Variants in MOV10L1 observed in about 807,000 individuals in gnomAD.
MOV10L1 encodes the protein Mov10 like RNA helicase 1.
MOV10L1 carries 110 observed loss-of-function variants against 143.8 expected under a neutral mutation model. That is an observed-to-expected ratio of 0.76 (90% CI 0.66 to 0.90). MOV10L1 has a LOEUF of 0.90. MOV10L1 is among the 40% of genes least tolerant of loss of function. The probability of loss-of-function intolerance (pLI) is 0.00; values close to 1 mark genes in which losing one functional copy is unlikely to be tolerated. For missense variants in MOV10L1, 1,406 were observed against 1,526.8 expected (o/e 0.92, Z 1.32); for synonymous variants, 593 against 581.1 (o/e 1.02, Z -0.29).
intron 15 of MOV10L1, among the ~76,000 whole-genome samples, chr22:50,137,380 G>A (rs1016714167): frequency 1.3e-5 from 2 of 152,102 alleles, no homozygotes; most frequent in Non-Finnish European, 2.9e-5. Flanking sequence ...AAAATATATT[G>A]GACAGAATTA....
chr22:50,114,255 T>C, intron 6 of MOV10L1, 126 bp from the exon 7 acceptor site: 1 of 1,192,724 alleles, frequency 8.4e-7, no homozygotes, highest in Non-Finnish European at 1.2e-6. Flanking sequence ...AAAATGACCT[T>C]TTGACTTATA....
chr22:50,144,283 C>G, intron 18 of MOV10L1, 40 bp downstream of exon 18: 22 of 1,562,506 alleles, frequency 1.4e-5, no homozygotes, highest in Non-Finnish European at 1.9e-5. Context: ...ACCAGAACCC[C>G]TCCCTGGAAC....
At chr22:50,160,667 T>C in intron 24 of MOV10L1, 21 bp from the exon 25 acceptor site, 1 of 1,598,710 alleles carries the variant, frequency 6.3e-7, no homozygotes, top group Non-Finnish European at 8.5e-7. Context: ...GCCATTTTTA[T>C]TCATCTCTGT....
rs2147421241 is a variant in MOV10L1, at chr22:50,150,994, TCTC to T, written c.2892+97_2892+99del. On this transcript the variant is annotated intron_variant, in intron 21 of 26. Coordinates refer to ENST00000262794, the MANE Select transcript of MOV10L1 (RefSeq NM_018995.3). Reference sequence around the variant, plus strand: ...CTCACTCTTCTGTCCACCTGAGTCATCTCCATCCGTGGGCAGAGTGCAGGGGAG... The same window carrying T: ...CTCACTCTTCTGTCCACCTGAGTCATCATCCGTGGGCAGAGTGCAGGGGAG... The T allele has an allele frequency of 2.0e-6, 3 of 1,494,756 alleles. No homozygotes were observed. The East Asian group carries it at 7.0e-5, about 35-fold the overall frequency. 92.6% of individuals were successfully genotyped at this position (1,494,756 alleles called of 1,614,324 possible). A position where few individuals can be genotyped will look rare whatever the true frequency, so the allele number is the denominator to read the frequency against.
chr22:50,148,832 T>C (rs1460225676), intron 19 of MOV10L1, among the ~76,000 whole-genome samples: 1 of 152,020 alleles, frequency 6.6e-6, no homozygotes, highest in Non-Finnish European at 1.5e-5. Flanking sequence ...CCCGGCTAAT[T>C]TTTTTGTATT....
At chr22:50,118,907 C>G (rs1269167568) in intron 9 of MOV10L1, among the ~76,000 whole-genome samples, 1 of 152,184 alleles carries the variant, frequency 6.6e-6, no homozygotes, top group Non-Finnish European at 1.5e-5. Flanking sequence ...TCAAGAATTT[C>G]TGTTAGTCAT....
chr22:50,090,928 G>A (rs1219527983), intron 1 of MOV10L1: 2 of 219,484 alleles, frequency 9.1e-6, no homozygotes, highest in African/African-American at 4.7e-5. Flanking sequence ...CACCCACCTT[G>A]GCCTCCCAAA....
In MOV10L1 at chr22:50,108,588, G is replaced by A. The variant is rs111648284; in HGVS notation, c.556-69G>A. 6.5e-4 allele frequency: 1,007 copies of A among 1,548,478 alleles called. 6 individuals carry two copies. The African/African-American group carries it at 0.012, about 18-fold the overall frequency. On this transcript the variant is annotated intron_variant, in intron 4 of 26. Coordinates refer to ENST00000262794, the MANE Select transcript of MOV10L1 (RefSeq NM_018995.3). The stretch of plus-strand genomic sequence containing the variant: ...TTGTGTGCTTTGGGCTGACTTGGGC[G>A]TGTGTTAGAGCTGCGCCCTGTCGTC...
intron 13 of MOV10L1, among the ~76,000 whole-genome samples, chr22:50,133,660 C>T (rs556222991): frequency 6.6e-6 from 1 of 152,090 alleles, no homozygotes; most frequent in South Asian, 2.1e-4. Context: ...CATGCCTCAG[C>T]CTCCTGAGTA....
rs1479462872 is a variant in MOV10L1, at chr22:50,159,699, T to C, written c.3238T>C (p.Leu1080=). ...RKQVEKIRIL[L]RNVDLMDIKV... is the part of the protein sequence containing the mutation. ...CAAGGTGGAGAAAATCAGAATTCTT[T>C]TGCGTAATGTTGATCTGATGGATAT... The change falls in exon 24 of 27, where the codon TTG becomes CTG. Residue 1080 remains leucine, a synonymous_variant. Transcript: ENST00000262794. This position sits in a 1 kb window ranked among gnomAD's most constrained non-coding sequence, Gnocchi z 4.1. The C allele has an allele frequency of 1.2e-6, 2 of 1,611,674 alleles. No homozygotes were observed. Among genetic ancestry groups the C allele is most frequent in the Admixed American group, 1.7e-5 (1 of 59,850 alleles).
At position 50,107,070 on chromosome 22, in the gene MOV10L1, TTTTC is replaced by T. The variant is rs535982676; in HGVS notation, c.443-1058_443-1055del. Among the ~76,000 whole-genome samples, 278 of 150,530 alleles carry T rather than the reference TTTTC, an allele frequency of 1.8e-3. 4 individuals carry two copies. Among genetic ancestry groups the T allele is most frequent in the Middle Eastern group, 6.9e-3 (2 of 288 alleles). On this transcript the variant is annotated intron_variant, in intron 3 of 26. Coordinates refer to ENST00000262794, the MANE Select transcript of MOV10L1 (RefSeq NM_018995.3). Reference sequence around the variant, plus strand: ...CCCTAGCATATTTTAGTGTCTTCTGTTTTCTTTCTTTTCTTTTTTTTTGAGACGG... The same window carrying T: ...CCCTAGCATATTTTAGTGTCTTCTGTTTTCTTTTCTTTTTTTTTGAGACGG...
chr22:50,135,212 C>T (rs1244268410), intron 15 of MOV10L1, among the ~76,000 whole-genome samples: 1 of 151,836 alleles, frequency 6.6e-6, no homozygotes, highest in Non-Finnish European at 1.5e-5. Flanking sequence ...CAGGGTTTCA[C>T]CATATTGGTC....
intron 5 of MOV10L1, among the ~76,000 whole-genome samples, chr22:50,112,896 C>T (rs910939378): frequency 4.6e-5 from 7 of 152,250 alleles, no homozygotes; most frequent in Non-Finnish European, 2.9e-5. Context: ...TCCCTTGTCA[C>T]ACCAGGGCAC....
At chr22:50,115,073 T>A (rs767291837) in intron 7 of MOV10L1, 41 bp from the exon 8 acceptor site, 6 of 1,541,622 alleles carry the variant, frequency 3.9e-6, no homozygotes, top group Non-Finnish European at 5.2e-6. Context: ...AGAGATAATT[T>A]ACCTTTTGGT....
chr22:50,150,505 C>T (rs1265192355), intron 20 of MOV10L1, among the ~76,000 whole-genome samples: 2 of 152,042 alleles, frequency 1.3e-5, no homozygotes, highest in Non-Finnish European at 2.9e-5. Flanking sequence ...CTGCAGAAGC[C>T]GGGCAGATGG....
In MOV10L1 at chr22:50,113,720, A is replaced by G. The variant is rs1404749449; in HGVS notation, c.816A>G (p.Glu272=). ...TILLKNKGDI[E]VTQVTHFGTL... is the part of the protein sequence containing the mutation. ...TGCTGAAGAACAAAGGTGATATTGA[A>G]GTTACACAGGTGACGCATTTTGGAA... The change falls in exon 6 of 27, where the codon GAA becomes GAG. Residue 272 remains glutamate (E), a synonymous_variant. Transcript: ENST00000262794. The G allele has an allele frequency of 2.5e-6, 4 of 1,614,010 alleles. No individual in the cohort carries two copies. Among genetic ancestry groups the G allele is most frequent in the Non-Finnish European group, 3.4e-6 (4 of 1,180,026 alleles).
rs2063539764 is a variant in MOV10L1, at chr22:50,160,762, T to TG, written c.3400dup (p.Val1134GlyfsTer84). The TG allele has an allele frequency of 6.2e-7, 1 of 1,614,034 alleles. No homozygotes were observed. The highest frequency in any genetic ancestry group is 1.3e-5 in the African/African-American group (1 of 74,916). On this transcript the variant is annotated frameshift_variant, in exon 25 of 27. Transcript: ENST00000262794. LOFTEE classifies it high-confidence loss of function. ...TCTTGTCCAACTCAAAAAGATTTAA[T>TG]GTTGCAATCACCAGACCCAAAGCTT...
At chr22:50,105,087 T>A (rs2061836419) in intron 3 of MOV10L1, among the ~76,000 whole-genome samples, 1 of 152,194 alleles carries the variant, frequency 6.6e-6, no homozygotes, top group Non-Finnish European at 1.5e-5. Context: ...AGACAGGGTT[T>A]CACCGCATTG....
At chr22:50,135,328 A>T (rs2062794527) in intron 15 of MOV10L1, among the ~76,000 whole-genome samples, 1 of 151,522 alleles carries the variant, frequency 6.6e-6, no homozygotes, top group South Asian at 2.1e-4. Context: ...TTTTATTTTT[A>T]AATTATATGG....
Sources: allele counts gnomAD v4.1 joint callset (sites outside exome capture counted in the v4.1 genomes callset), GRCh38; gene constraint gnomAD v4.1.1; non-coding constraint Gnocchi (gnomAD v3.1); transcripts MANE v1.5; gene names NCBI Gene and HGNC (gene_info 2026-07-23, HGNC 2026-07-21).